The following BRD3 variants were observed in gnomAD, a reference collection of about 807,000 sequenced individuals.
BRD3 encodes bromodomain containing 3, also known as bromodomain-containing protein 3.
Under a neutral mutation model 66.8 loss-of-function variants are expected in BRD3, and 17 were observed. That is an observed-to-expected ratio of 0.25 (90% CI 0.17 to 0.38). BRD3 has a LOEUF of 0.38. Among genes scored for constraint, BRD3 ranks in the 10% least tolerant of loss-of-function variants. BRD3 has a pLI of 1.00. For missense variants in BRD3, 713 were observed against 956.1 expected (o/e 0.75, Z 3.35); for synonymous variants, 421 against 393.2 (o/e 1.07, Z -0.84).
At chr9:134,051,871 G>GTTTTTTTTTTTTTTTTT (rs1564555774) in intron 3 of BRD3, among the ~76,000 whole-genome samples, 162 bp from the exon 4 acceptor site, 2 of 110,542 alleles carry the variant, frequency 1.8e-5, no homozygotes, top group African/African-American at 8.6e-5. Flanking sequence ...GTGTGTGTGT[G>GTTTTTTTTTTTTTTTTT]TGTGTGTTGT....
At chr9:134,066,373 G>A (rs921843024) in intron 1 of BRD3, among the ~76,000 whole-genome samples, 13 of 152,194 alleles carry the variant, frequency 8.5e-5, no homozygotes, top group South Asian at 2.1e-4. Flanking sequence ...GCAAATGAGA[G>A]GCTGCATCAG....
rs1399191167 is a variant in BRD3 at position 134,040,200 on chromosome 9, CCTTCTT to C, written c.1471_1476del (p.Lys491_Lys492del). ...TTCTTCTTCTCCTTCTCCTTCTTCT[CCTTCTT>C]CTTCTTTGGTTTGTTTACTGGGGCC... On this transcript the variant is annotated inframe_deletion, in exon 9 of 12. Transcript: ENST00000303407. 1 of 1,578,042 alleles carries C rather than the reference CCTTCTT, an allele frequency of 6.3e-7. No homozygotes were observed. Among genetic ancestry groups the C allele is most frequent in the Non-Finnish European group, 8.6e-7 (1 of 1,162,092 alleles).
intron 1 of BRD3, chr9:134,058,902 G>C (rs1215214598): frequency 1.3e-5 from 2 of 152,306 alleles, no homozygotes; most frequent in African/African-American, 4.8e-5. Context: ...CCCCACAGCT[G>C]GTGGGGCAGT....
chr9:134,048,700 G>A (rs557684350), intron 5 of BRD3, among the ~76,000 whole-genome samples: 3 of 152,282 alleles, frequency 2.0e-5, no homozygotes, highest in Non-Finnish European at 2.9e-5. Context: ...TCACCTGGGC[G>A]AGGGGAGATA....
At chr9:134,054,434 A>C (rs1564557546) in intron 1 of BRD3, 1 of 152,294 alleles carries the variant, frequency 6.6e-6, no homozygotes, top group South Asian at 2.1e-4. Context: ...TGGAGAACGC[A>C]TGCAGGCCTC....
chr9:134,036,880 G>A (rs140773948), intron 9 of BRD3, among the ~76,000 whole-genome samples: 1,927 of 151,908 alleles, frequency 0.013, 22 homozygotes, highest in South Asian at 0.026. Flanking sequence ...GCGTGGTGGC[G>A]GGCACCTGTA....
rs1477488169 is a variant in BRD3, at chr9:134,053,531, C to T, written c.-54G>A. On this transcript the variant is annotated 5_prime_UTR_variant, in exon 2 of 12. Transcript: ENST00000303407. ...CAGCAGCGGCTTGGAGAGGCCCTGG[C>T]TGCTTCTACGCTCCCTGAGAAAGCG... 2 of 1,499,254 alleles carry T rather than the reference C, an allele frequency of 1.3e-6. No homozygotes were observed. The highest frequency in any genetic ancestry group is 2.1e-5 in the Admixed American group (1 of 47,000). The allele number at this position is 1,499,254 out of a possible 1,614,324, so 92.9% of individuals were successfully genotyped here.
At chr9:134,064,833 G>A (rs150997063) in intron 1 of BRD3, among the ~76,000 whole-genome samples, 202 of 152,330 alleles carry the variant, frequency 1.3e-3, no homozygotes, top group Non-Finnish European at 2.4e-3. Flanking sequence ...AAGGAGAATA[G>A]GCAAAGAAAA....
In BRD3 at chr9:134,030,837, G is replaced by A; in HGVS notation, c.*2753C>T. 4.3e-6 allele frequency: 1 copy of A among 232,472 alleles called. No homozygotes were observed. Among genetic ancestry groups the A allele is most frequent in the Non-Finnish European group, 8.5e-6 (1 of 117,556 alleles). 14.4% of individuals were successfully genotyped at this position (232,472 alleles called of 1,614,324 possible). On this transcript the variant is annotated 3_prime_UTR_variant, in exon 12 of 12. Transcript: ENST00000303407. ...GAAGCCTGCCCCCTCGGCCTCCAGG[G>A]GTCATTCAGAGTGTTCTCAAATCCA...
In BRD3 at chr9:134,067,991, G is replaced by A. The variant is rs1219642589; in HGVS notation, c.-160C>T. On this transcript the variant is annotated 5_prime_UTR_variant, in exon 1 of 12. Coordinates refer to ENST00000303407, the MANE Select transcript of BRD3 (RefSeq NM_007371.4). ...CCGTCCCCTCCCGGCCCGCGCGGCC[G>A]GCTCCTCTTTGGCTCGCCGGCCCCG... 7.1e-6 allele frequency: 1 copy of A among 140,146 alleles called. No homozygotes were observed. Among genetic ancestry groups the A allele is most frequent in the African/African-American group, 2.6e-5 (1 of 38,450 alleles). 8.7% of individuals were successfully genotyped at this position (140,146 alleles called of 1,614,324 possible).
chr9:134,044,521 T>C (rs1830127088), intron 7 of BRD3, among the ~76,000 whole-genome samples: 1 of 152,166 alleles, frequency 6.6e-6, no homozygotes, highest in Admixed American at 6.5e-5. Flanking sequence ...CCTCCAAAAA[T>C]CAAGTCCTTT....
At chr9:134,066,674 G>C (rs977736409) in intron 1 of BRD3, among the ~76,000 whole-genome samples, 2 of 152,236 alleles carry the variant, frequency 1.3e-5, no homozygotes. Flanking sequence ...AGGGTAGGGC[G>C]GGGGAGGACG....
chr9:134,047,657 A>G (rs1830203394), intron 6 of BRD3, among the ~76,000 whole-genome samples: 1 of 152,174 alleles, frequency 6.6e-6, no homozygotes, highest in South Asian at 2.1e-4. Context: ...AGGGGACAGA[A>G]GCCAGGCCAT....
intron 1 of BRD3, among the ~76,000 whole-genome samples, chr9:134,066,801 G>A (rs917783997): frequency 3.9e-5 from 6 of 152,208 alleles, no homozygotes; most frequent in African/African-American, 4.8e-5. Flanking sequence ...GTAAGGGGGA[G>A]AAATCCCAGT....
chr9:134,040,668 C>T (rs529940294), intron 8 of BRD3, among the ~76,000 whole-genome samples: 2 of 152,198 alleles, frequency 1.3e-5, no homozygotes, highest in Non-Finnish European at 2.9e-5. Context: ...CCCATCAACC[C>T]GTCATCTACA....
At chr9:134,056,052 A>G (rs1830416799) in intron 1 of BRD3, 1 of 152,302 alleles carries the variant, frequency 6.6e-6, no homozygotes, top group Non-Finnish European at 1.5e-5. Flanking sequence ...CCGCCCGGCC[A>G]TGGACTGTGA....
At chr9:134,054,918 C>G (rs1006977767) in intron 1 of BRD3, among the ~76,000 whole-genome samples, 2 of 152,182 alleles carry the variant, frequency 1.3e-5, no homozygotes, top group African/African-American at 4.8e-5. Flanking sequence ...CTACACGCAA[C>G]ACAGCTCACC....
intron 5 of BRD3, 46 bp from the exon 6 acceptor site, chr9:134,048,500 G>A (rs370566197): frequency 1.1e-4 from 175 of 1,595,564 alleles, no homozygotes; most frequent in African/African-American, 7.7e-4. Context: ...CAGGGGCCCC[G>A]AAGACGCATG....
intron 1 of BRD3, among the ~76,000 whole-genome samples, chr9:134,059,845 A>C (rs1830500716): frequency 6.6e-6 from 1 of 152,206 alleles, no homozygotes; most frequent in Admixed American, 6.5e-5. Context: ...CCTGGCCATC[A>C]GCAGCCTGTC....
Sources: allele counts gnomAD v4.1 joint callset (sites outside exome capture counted in the v4.1 genomes callset), GRCh38; gene constraint gnomAD v4.1.1; transcripts MANE v1.5; gene names NCBI Gene and HGNC (gene_info 2026-07-23, HGNC 2026-07-21).